Variants in ALDH18A1 observed in about 807,000 individuals in gnomAD.
ALDH18A1 encodes the protein aldehyde dehydrogenase 18 family member A1.
In ALDH18A1, 44 loss-of-function variants were observed where a neutral mutation model predicts 88.8. The observed-to-expected ratio is 0.50, with a 90% confidence interval of 0.39 to 0.64. The LOEUF (loss-of-function observed/expected upper bound fraction) is 0.64. ALDH18A1 is among the 30% of genes least tolerant of loss of function. The pLI, the probability that ALDH18A1 is intolerant of heterozygous loss-of-function variation, is 0.00. For missense variants in ALDH18A1, 782 were observed against 1,009.5 expected (o/e 0.77, Z 3.05); for synonymous variants, 331 against 372.1 (o/e 0.89, Z 1.27).
At chr10:95,654,578 A>G (rs534445620) in intron 1 of ALDH18A1, among the ~76,000 whole-genome samples, 1 of 151,932 alleles carries the variant, frequency 6.6e-6, no homozygotes, top group Non-Finnish European at 1.5e-5. Context: ...GAAGACTAGC[A>G]TTTAGCCCCA....
chr10:95,643,897 A>G (rs1304119085), intron 2 of ALDH18A1, among the ~76,000 whole-genome samples: 2 of 152,186 alleles, frequency 1.3e-5, no homozygotes, highest in Non-Finnish European at 2.9e-5. Context: ...TAATCCCAGC[A>G]CTCTGGGAGG....
At chr10:95,656,141 C>A (rs933852929) in intron 1 of ALDH18A1, among the ~76,000 whole-genome samples, 1 of 152,158 alleles carries the variant, frequency 6.6e-6, no homozygotes, top group East Asian at 1.9e-4. Flanking sequence ...ACCCAGGCCC[C>A]TGAGAGTCAG....
At position 95,643,175 on chromosome 10, in the gene ALDH18A1, A is replaced by T; in HGVS notation, c.120T>A (p.Val40=). Residue 40 remains valine (V), a synonymous_variant, in exon 3 of 18, where the codon GTT becomes GTA. Transcript: ENST00000371224. ...TAAACGGGATGTTGCTCCAAGAACGAACATGTCTGATGACTGAAGGCTGGA... is the reference window on the plus strand; with the variant it reads ...TAAACGGGATGTTGCTCCAAGAACGTACATGTCTGATGACTGAAGGCTGGA... The part of the protein sequence containing the change: ...HCIQPSVIRH[V]RSWSNIPFIT... The T allele has an allele frequency of 1.9e-6, 3 of 1,614,232 alleles. No homozygotes were observed.
chr10:95,648,424 T>C (rs2097904725), intron 2 of ALDH18A1, among the ~76,000 whole-genome samples: 1 of 152,172 alleles, frequency 6.6e-6, no homozygotes, highest in Admixed American at 6.5e-5. Context: ...TTCATTATTA[T>C]TATTATCCCC....
At chr10:95,652,982 T>C (rs1309907622) in intron 2 of ALDH18A1, among the ~76,000 whole-genome samples, 1 of 150,998 alleles carries the variant, frequency 6.6e-6, no homozygotes, top group African/African-American at 2.4e-5. Flanking sequence ...ATCTCAAGAG[T>C]TCAAGACCAG....
At chr10:95,613,581 G>A (rs1048625890) in intron 15 of ALDH18A1, among the ~76,000 whole-genome samples, 161 bp downstream of exon 15, 10 of 152,124 alleles carry the variant, frequency 6.6e-5, no homozygotes, top group African/African-American at 2.2e-4. Flanking sequence ...AGAGGGCAGG[G>A]GTTGTGTTTT....
chr10:95,629,980 GT>G (rs1368712783), intron 7 of ALDH18A1, among the ~76,000 whole-genome samples: 1 of 151,938 alleles, frequency 6.6e-6, no homozygotes, highest in Non-Finnish European at 1.5e-5. Flanking sequence ...AAGGAAGAGT[GT>G]AGCTTTTTTA....
At chr10:95,651,923 A>G (rs11188417) in intron 2 of ALDH18A1, among the ~76,000 whole-genome samples, 42,172 of 152,220 alleles carry the variant, frequency 0.28, 6,790 homozygotes, top group Admixed American at 0.4. Flanking sequence ...AATCCTGTAC[A>G]TCAATGTTCA....
chr10:95,633,224 T>C (rs967480967), intron 6 of ALDH18A1, among the ~76,000 whole-genome samples, 175 bp from the exon 7 acceptor site: 1 of 152,202 alleles, frequency 6.6e-6, no homozygotes, highest in Admixed American at 6.5e-5. Flanking sequence ...ACACACTGTC[T>C]ACTGGCAATC....
At chr10:95,632,540 T>G (rs1566024816) in intron 7 of ALDH18A1, among the ~76,000 whole-genome samples, 1 of 152,142 alleles carries the variant, frequency 6.6e-6, no homozygotes, top group East Asian at 1.9e-4. Flanking sequence ...ACTTTTCTAT[T>G]TTTTGTAGAA....
rs1395828974 is a variant in ALDH18A1 at position 95,643,200 on chromosome 10, A to G, written c.95T>C (p.Ile32Thr). The G allele has an allele frequency of 6.2e-6, 10 of 1,614,008 alleles. No individual in the cohort carries two copies. The Admixed American group carries it at 8.3e-5, about 13-fold the overall frequency. The change falls in exon 3 of 18, where the codon ATC becomes ACC. Residue 32 changes from isoleucine (I) to threonine (T), a missense_variant. Physicochemically the swap from Ile to Thr is moderately conservative, Grantham distance 89 (BLOSUM62 -1). Around this residue, in one of 3 missense-constraint regions of ALDH18A1, gnomAD observed 94 missense variants for 99.5 expected, o/e 0.94. Transcript: ENST00000371224. ...AACATGTCTGATGACTGAAGGCTGG[A>G]TACAATCTGTAGCCATCAAAGTCAA... ...KCTTVFRSHC[I>T]QPSVIRHVRS...
Position 95,606,514 on chromosome 10 carries a change from T to G in ALDH18A1, c.*248A>C. On this transcript the variant is annotated 3_prime_UTR_variant, in exon 18 of 18. Coordinates refer to ENST00000371224, the MANE Select transcript of ALDH18A1 (RefSeq NM_002860.4). ...TGCACCTTTCAATCCTAGAAGATAA[T>G]TGGACTTGGCAAAGTCCCTATCGGT... The G allele has an allele frequency of 7.4e-7, 1 of 1,357,020 alleles. No homozygotes were observed. Among genetic ancestry groups the G allele is most frequent in the South Asian group, 1.6e-5 (1 of 64,160 alleles). 84.1% of individuals were successfully genotyped at this position (1,357,020 alleles called of 1,614,324 possible).
chr10:95,654,901 C>T (rs2097915515), intron 1 of ALDH18A1, among the ~76,000 whole-genome samples: 2 of 151,908 alleles, frequency 1.3e-5, no homozygotes, highest in South Asian at 4.2e-4. Flanking sequence ...AATTCCAGTT[C>T]CACCTCCCTA....
At chr10:95,645,768 G>A (rs2097900337) in intron 2 of ALDH18A1, among the ~76,000 whole-genome samples, 1 of 152,010 alleles carries the variant, frequency 6.6e-6, no homozygotes, top group African/African-American at 2.4e-5. Context: ...ATGGAACTGG[G>A]ATTCCGATGG....
intron 17 of ALDH18A1, among the ~76,000 whole-genome samples, chr10:95,607,573 A>C (rs558971518): frequency 6.6e-6 from 1 of 152,286 alleles, no homozygotes; most frequent in Admixed American, 6.5e-5. Context: ...ACTATGTACT[A>C]GGCACTGTGT....
chr10:95,649,351 A>ATTTTTT, intron 2 of ALDH18A1, among the ~76,000 whole-genome samples: 1 of 131,090 alleles, frequency 7.6e-6, no homozygotes, highest in Non-Finnish European at 1.6e-5. Flanking sequence ...ATTTTTACAG[A>ATTTTTT]TTTTTTTTTT....
intron 1 of ALDH18A1, among the ~76,000 whole-genome samples, chr10:95,655,549 T>C (rs1043351915): frequency 1.7e-5 from 1 of 60,166 alleles, no homozygotes; most frequent in East Asian, 5.3e-4. Flanking sequence ...CTACGGTCAC[T>C]GAAATAAGAG....
intron 17 of ALDH18A1, among the ~76,000 whole-genome samples, chr10:95,609,807 C>G (rs2099385134): frequency 1.6e-5 from 2 of 125,872 alleles, no homozygotes; most frequent in Non-Finnish European, 3.2e-5. Context: ...TCACTCTGTC[C>G]TCCAGGCTGG....
chr10:95,618,903 G>C (rs141710599), intron 12 of ALDH18A1, among the ~76,000 whole-genome samples: 80 of 152,234 alleles, frequency 5.3e-4, no homozygotes, highest in African/African-American at 1.8e-3. Flanking sequence ...CCTTCTATGA[G>C]GTTCAGTTTC....
Sources: allele counts gnomAD v4.1 joint callset (sites outside exome capture counted in the v4.1 genomes callset), GRCh38; gene constraint gnomAD v4.1.1; regional missense constraint gnomAD v4.1.1; transcripts MANE v1.5; gene names NCBI Gene and HGNC (gene_info 2026-07-23, HGNC 2026-07-21).